INSL6: variants seen among roughly 807,000 people sequenced by gnomAD.
The protein encoded by INSL6 is insulin-like peptide INSL6.
INSL6 carries 16 observed loss-of-function variants against 9.4 expected under a neutral mutation model. That is an observed-to-expected ratio of 1.70 (90% CI 1.15 to 2.59). The LOEUF is 2.59. Ranked by LOEUF, INSL6 falls within the 30% of genes most tolerant of loss-of-function variation. INSL6 has a pLI of 0.00. For missense variants in INSL6, 391 were observed against 257.3 expected (o/e 1.52, Z -3.56); for synonymous variants, 154 against 96.9 (o/e 1.59, Z -3.46).
the INSL6 span, among the ~76,000 whole-genome samples, chr9:4,999,158 G>A: frequency 6.6e-6 from 1 of 152,152 alleles, no homozygotes; most frequent in Non-Finnish European, 1.5e-5. Context: ...CCTGTCATGT[G>A]TGTACTTCTG....
At chr9:5,057,682 A>C in the INSL6 span, among the ~76,000 whole-genome samples, 1 of 150,152 alleles carries the variant, frequency 6.7e-6, no homozygotes, top group Non-Finnish European at 1.5e-5. Context: ...TCCTGGGTTC[A>C]AGCAATTTTC....
In INSL6 at chr9:5,140,923, C is replaced by T. The variant is rs199853857; in HGVS notation, c.377-7331G>A. Among the ~76,000 whole-genome samples the T allele has an allele frequency of 2.2e-4, 34 of 152,196 alleles. No individual in the cohort carries two copies. In the East Asian group the frequency reaches 6.6e-3, roughly 29 times the overall value. ...TCCCCTCTTTGTGTCCCTGTATTCTCATCATTTAGCTCCCACTTATAACTG... is the reference window on the plus strand; with the variant it reads ...TCCCCTCTTTGTGTCCCTGTATTCTTATCATTTAGCTCCCACTTATAACTG... On this transcript the variant is annotated intron_variant, in intron 2 of 3. Coordinates refer to the INSL6 transcript ENST00000649639.
the INSL6 span, chr9:5,080,750 C>T: frequency 8.1e-7 from 1 of 1,227,214 alleles, no homozygotes; most frequent in Non-Finnish European, 1.1e-6. Context: ...TGAATCATTA[C>T]TAATTTTTAA....
chr9:5,094,128 T>C, the INSL6 span: 1 of 152,162 alleles, frequency 6.6e-6, no homozygotes, highest in East Asian at 1.9e-4. Context: ...TTCCTACTTA[T>C]ATTCCCACTC....
At chr9:5,093,609 ATT>A in the INSL6 span, among the ~76,000 whole-genome samples, 1 of 152,190 alleles carries the variant, frequency 6.6e-6, no homozygotes, top group Non-Finnish European at 1.5e-5. Flanking sequence ...TGCATTAAAA[ATT>A]TTGGTTGGGG....
chr9:5,107,071 G>A, the INSL6 span, among the ~76,000 whole-genome samples: 1 of 152,062 alleles, frequency 6.6e-6, no homozygotes, highest in Non-Finnish European at 1.5e-5. Flanking sequence ...CCAGCACTTT[G>A]GCTTTGAAGC....
intron 1 of INSL6, among the ~76,000 whole-genome samples, chr9:5,174,814 C>T (rs903677425): frequency 2.2e-4 from 34 of 152,330 alleles, no homozygotes; most frequent in African/African-American, 7.9e-4. Flanking sequence ...ATGTCCAAAA[C>T]TGAACTACTG....
At chr9:5,149,797 A>G (rs1471145571) in intron 2 of INSL6, among the ~76,000 whole-genome samples, 1 of 152,190 alleles carries the variant, frequency 6.6e-6, no homozygotes, top group Non-Finnish European at 1.5e-5. Context: ...AGCAAACAAT[A>G]AAATAAAAAT....
chr9:5,176,657 T>C (rs1032741640), intron 1 of INSL6, among the ~76,000 whole-genome samples: 4 of 150,450 alleles, frequency 2.7e-5, no homozygotes, highest in Non-Finnish European at 4.4e-5. Flanking sequence ...ACAAACATCA[T>C]ACCTAATGGA....
the INSL6 span, chr9:5,080,830 C>T: frequency 2.1e-6 from 1 of 470,494 alleles, no homozygotes; most frequent in Non-Finnish European, 3.6e-6. Context: ...GCTTTTCATG[C>T]TTTATACATA....
the INSL6 span, among the ~76,000 whole-genome samples, chr9:4,992,212 T>G: frequency 2.0e-5 from 3 of 152,214 alleles, no homozygotes; most frequent in Non-Finnish European, 2.9e-5. Flanking sequence ...AGCTGGGCTG[T>G]TAACTGGAGC....
chr9:5,132,050 G>T (rs1824302805), intron 3 of INSL6: 1 of 152,008 alleles, frequency 6.6e-6, no homozygotes, highest in Admixed American at 6.6e-5. Context: ...GAAATTCTTG[G>T]TAATAGGAGT....
chr9:5,140,851 TC>T (rs1216044447), intron 2 of INSL6, among the ~76,000 whole-genome samples: 11 of 152,226 alleles, frequency 7.2e-5, no homozygotes, highest in Admixed American at 7.2e-4. Flanking sequence ...TCTGGTCTTC[TC>T]CCTCATCCCA....
chr9:5,178,122 G>A lies in INSL6; in HGVS notation c.289+7192C>T, dbSNP rs371536355. 4.3e-4 allele frequency among the ~76,000 whole-genome samples: 66 copies of A among 152,240 alleles called. 1 individual carries two copies. Among genetic ancestry groups the A allele is most frequent in the African/African-American group, 1.5e-3 (63 of 41,552 alleles). The stretch of plus-strand genomic sequence containing the variant: ...ACTCCTGATGTCAAGTGATCCACCC[G>A]CCTTGGCCTCCCAAAGTGCCAGGAT... On this transcript the variant is annotated intron_variant, in intron 1 of 1. Coordinates refer to ENST00000381641, the MANE Select transcript of INSL6 (RefSeq NM_007179.3).
intron 1 of INSL6, among the ~76,000 whole-genome samples, chr9:5,166,366 G>C (rs1392611829): frequency 6.6e-6 from 1 of 151,844 alleles, no homozygotes; most frequent in African/African-American, 2.4e-5. Flanking sequence ...TGCAGTTAGA[G>C]GCCTATTAGA....
chr9:5,120,655 A>AT (rs1161472533), downstream of INSL6, among the ~76,000 whole-genome samples: 35 of 152,146 alleles, frequency 2.3e-4, 1 homozygote, highest in Admixed American at 2.3e-3. Context: ...TTTGTACATT[A>AT]TTCTTCACCT....
the INSL6 span, among the ~76,000 whole-genome samples, chr9:5,019,073 C>G: frequency 1.3e-5 from 2 of 152,138 alleles, no homozygotes; most frequent in Non-Finnish European, 2.9e-5. Flanking sequence ...GATCTCTGAG[C>G]TTCTGTATCT....
chr9:5,007,496 A>T, the INSL6 span, among the ~76,000 whole-genome samples: 1 of 152,046 alleles, frequency 6.6e-6, no homozygotes, highest in Non-Finnish European at 1.5e-5. Flanking sequence ...AGAACTTCAC[A>T]TTTTTCAATG....
At chr9:5,161,782 A>G (rs1824932432), downstream of INSL6, among the ~76,000 whole-genome samples, 1 of 152,218 alleles carries the variant, frequency 6.6e-6, no homozygotes, top group Admixed American at 6.5e-5. Flanking sequence ...TAGCACTTCT[A>G]TGTGCCAAGA....
Sources: gnomAD v4.1 joint callset for allele counts (sites outside exome capture counted in the v4.1 genomes callset) on GRCh38, gnomAD v4.1.1 for gene constraint, MANE v1.5 for transcripts, NCBI Gene and HGNC (gene_info 2026-07-23, HGNC 2026-07-21) for gene names.